ANKRD11: variants seen among roughly 807,000 people sequenced by gnomAD.
ANKRD11 encodes ankyrin repeat domain-containing protein 11.
In ANKRD11, 17 loss-of-function variants were observed where a neutral mutation model predicts 195.7. That is an observed-to-expected ratio of 0.09 (90% CI 0.06 to 0.13). The LOEUF (loss-of-function observed/expected upper bound fraction) is 0.13. Among genes scored for constraint, ANKRD11 ranks in the 10% least tolerant of loss-of-function variants. The probability of loss-of-function intolerance (pLI) is 1.00; values close to 1 mark genes in which losing one functional copy is unlikely to be tolerated. For synonymous variants in ANKRD11, 1,953 were observed against 1,528.1 expected (o/e 1.28, Z -6.49); for missense variants, 3,735 against 3,566.1 (o/e 1.05, Z -1.21).
intron 1 of ANKRD11, among the ~76,000 whole-genome samples, chr16:89,447,835 C>T (rs1365310986): frequency 1.4e-5 from 2 of 143,912 alleles, no homozygotes; most frequent in Non-Finnish European, 3.0e-5. Context: ...GACAAAGTCT[C>T]ACTCTGTCAC....
chr16:89,295,135 GA>G (rs549390339), intron 4 of ANKRD11, among the ~76,000 whole-genome samples: 6 of 152,326 alleles, frequency 3.9e-5, no homozygotes, highest in Non-Finnish European at 8.8e-5. Context: ...GGGTGCCTCT[GA>G]CCCCGGGGTG....
intron 9 of ANKRD11, chr16:89,278,311 T>C (rs1243060967): frequency 5.8e-6 from 2 of 345,692 alleles, no homozygotes; most frequent in Non-Finnish European, 5.7e-6. Flanking sequence ...CCCCAGTGGG[T>C]AGGAGGAGGT....
rs1162799679 is a variant in ANKRD11 at position 89,461,045 on chromosome 16, C to T, written c.-145+29200G>A. On this transcript the variant is annotated intron_variant, in intron 1 of 12. Transcript: ENST00000301030. Reference sequence around the variant, plus strand: ...AGAAAGGACAAATATCGTATGACCACCCCCCCGCAGGAGACGCACCTTGAG... The same window carrying T: ...AGAAAGGACAAATATCGTATGACCATCCCCCCGCAGGAGACGCACCTTGAG... Among the ~76,000 whole-genome samples the T allele has an allele frequency of 6.1e-5, 8 of 130,184 alleles. No individual in the cohort carries two copies. The Admixed American group carries it at 6.7e-4, about 11-fold the overall frequency. The allele number at this position is 130,184 out of a possible 152,430, so 85.4% of individuals were successfully genotyped here.
At chr16:89,397,344 G>A (rs907359908) in intron 2 of ANKRD11, among the ~76,000 whole-genome samples, 1 of 152,256 alleles carries the variant, frequency 6.6e-6, no homozygotes, top group Non-Finnish European at 1.5e-5. Flanking sequence ...CGTAAGTGCT[G>A]TCAACTGGAT....
intron 4 of ANKRD11, among the ~76,000 whole-genome samples, chr16:89,294,585 G>A (rs2035291100): frequency 6.6e-6 from 1 of 152,136 alleles, no homozygotes; most frequent in African/African-American, 2.4e-5. Flanking sequence ...GGGGTAGAGG[G>A]AAAGCCCCAC....
At chr16:89,268,909 C>CT (rs2151663237) in intron 12 of ANKRD11, among the ~76,000 whole-genome samples, 1 of 152,370 alleles carries the variant, frequency 6.6e-6, no homozygotes, top group South Asian at 2.1e-4. Flanking sequence ...GGGGCTCACC[C>CT]TGGCCCGGGG....
chr16:89,404,572 T>C (rs1325418352), intron 2 of ANKRD11, among the ~76,000 whole-genome samples: 1 of 152,238 alleles, frequency 6.6e-6, no homozygotes, highest in Admixed American at 6.5e-5. Context: ...GAAAACACTG[T>C]TGACTCGCAA....
At chr16:89,376,723 G>C (rs11862956) in intron 2 of ANKRD11, among the ~76,000 whole-genome samples, 4,484 of 152,240 alleles carry the variant, frequency 0.029, 151 homozygotes, top group African/African-American at 0.075. Flanking sequence ...ACAGGCGTGC[G>C]CCACCACGCC....
At chr16:89,453,769 AG>A (rs901434224) in intron 1 of ANKRD11, among the ~76,000 whole-genome samples, 3 of 152,224 alleles carry the variant, frequency 2.0e-5, no homozygotes, top group African/African-American at 7.2e-5. Context: ...GAAGAAGAAC[AG>A]GAAGTATTAC....
intron 2 of ANKRD11, chr16:89,395,806 G>C (rs573591187): frequency 6.6e-6 from 1 of 152,318 alleles, no homozygotes; most frequent in South Asian, 2.1e-4. Flanking sequence ...TCTCAGCTGG[G>C]TGACACCGCA....
chr16:89,272,996 G>A (rs1480512557), intron 11 of ANKRD11: 1 of 144,180 alleles, frequency 6.9e-6, no homozygotes, highest in East Asian at 2.0e-4. Context: ...CAGAGGCTGG[G>A]AAGGGTTGTG....
chr16:89,433,554 GAGA>G (rs759916502), intron 1 of ANKRD11, among the ~76,000 whole-genome samples: 3 of 152,364 alleles, frequency 2.0e-5, no homozygotes, highest in South Asian at 2.1e-4. Context: ...GAGCGCAACA[GAGA>G]AGAACAGGGT....
intron 2 of ANKRD11, among the ~76,000 whole-genome samples, chr16:89,375,584 C>A (rs1267949696): frequency 6.6e-6 from 1 of 151,896 alleles, no homozygotes; most frequent in Non-Finnish European, 1.5e-5. Context: ...CTCAGCCTCC[C>A]GAGTGATTAC....
rs760682389 is a variant in ANKRD11, at chr16:89,285,102, C to G, written c.1440G>C (p.Glu480Asp). ...GKRSDKFCSS[E>D]SESESSESGE... is the part of the protein sequence containing the mutation. ...CACTCTCTGAGGACTCGCTCTCCGA[C>G]TCCGAGGAGCAGAACTTGTCGCTCC... The change falls in exon 9 of 13, where the codon GAG becomes GAC. Residue 480 changes from glutamate (E) to aspartate (D), a missense_variant. Physicochemically the swap from Glu to Asp is conservative, Grantham distance 45. Coordinates refer to ENST00000301030, the MANE Select transcript of ANKRD11 (RefSeq NM_013275.6). The surrounding 1 kb of genome is among the most constrained non-coding windows in gnomAD (Gnocchi z 5.6). The G allele has an allele frequency of 1.9e-6, 3 of 1,613,680 alleles. No homozygotes were observed. The Admixed American group carries it at 5.0e-5, about 27-fold the overall frequency.
intron 2 of ANKRD11, among the ~76,000 whole-genome samples, chr16:89,351,535 A>T (rs1157419011): frequency 1.3e-5 from 2 of 152,316 alleles, no homozygotes; most frequent in African/African-American, 4.8e-5. Flanking sequence ...TCAAGAAAAC[A>T]CTGGATACAG....
At chr16:89,469,540 TC>T (rs934271116) in intron 1 of ANKRD11, among the ~76,000 whole-genome samples, 1 of 151,418 alleles carries the variant, frequency 6.6e-6, no homozygotes, top group African/African-American at 2.4e-5. Flanking sequence ...ACTCATCACT[TC>T]TTTTGAACAC....
intron 7 of ANKRD11, chr16:89,287,727 CAG>C (rs1365917401): frequency 1.8e-5 from 3 of 167,026 alleles, no homozygotes; most frequent in Non-Finnish European, 3.8e-5. Flanking sequence ...CTGCTCGTCT[CAG>C]AGTCTTCAAT....
At chr16:89,317,677 C>G (rs937141313) in intron 2 of ANKRD11, among the ~76,000 whole-genome samples, 1 of 152,244 alleles carries the variant, frequency 6.6e-6, no homozygotes, top group Non-Finnish European at 1.5e-5. Flanking sequence ...CCCATGGAAG[C>G]AGACGCCCCC....
chr16:89,269,364 A>G (rs965393941), intron 12 of ANKRD11, among the ~76,000 whole-genome samples: 4 of 152,108 alleles, frequency 2.6e-5, no homozygotes, highest in African/African-American at 9.7e-5. Flanking sequence ...CTGCAGTGTG[A>G]TCATGTCTGT....
Sources: gnomAD v4.1 joint callset for allele counts (sites outside exome capture counted in the v4.1 genomes callset) on GRCh38, gnomAD v4.1.1 for gene constraint, Gnocchi (gnomAD v3.1) non-coding constraint, MANE v1.5 for transcripts, NCBI Gene and HGNC (gene_info 2026-07-23, HGNC 2026-07-21) for gene names.